IMPA1: variants seen among roughly 807,000 people sequenced by gnomAD.
The protein encoded by IMPA1 is inositol monophosphatase 1.
A neutral mutation model predicts 34.9 loss-of-function variants in IMPA1; 21 were observed. The ratio of observed to expected loss-of-function variants is 0.60; its 90% CI spans 0.43 to 0.87. IMPA1 has a LOEUF of 0.87. IMPA1 is among the 40% of genes least tolerant of loss of function. The probability of loss-of-function intolerance (pLI) is 0.00; values close to 1 mark genes in which losing one functional copy is unlikely to be tolerated. For missense variants in IMPA1, 299 were observed against 336.4 expected (o/e 0.89, Z 0.87); for synonymous variants, 95 against 104.4 (o/e 0.91, Z 0.55).
intron 4 of IMPA1, among the ~76,000 whole-genome samples, chr8:81,677,051 G>A (rs866815023): frequency 3.3e-5 from 5 of 151,158 alleles, no homozygotes; most frequent in African/African-American, 9.7e-5. Flanking sequence ...AAAGAAAACT[G>A]TAAAAACTTT....
chr8:81,685,977 G>A (rs1352752225), intron 1 of IMPA1: 1 of 1,470,872 alleles, frequency 6.8e-7, no homozygotes, highest in Non-Finnish European at 9.1e-7. Flanking sequence ...TTCGGAGTTG[G>A]GGACATAAAA....
intron 1 of IMPA1, among the ~76,000 whole-genome samples, chr8:81,681,948 G>A (rs1807312018): frequency 6.6e-6 from 1 of 151,982 alleles, no homozygotes. Flanking sequence ...AAGAACACTG[G>A]GAATACTGAA....
intron 1 of IMPA1, among the ~76,000 whole-genome samples, chr8:81,683,340 A>C (rs1008598515): frequency 6.6e-5 from 10 of 152,302 alleles, no homozygotes; most frequent in African/African-American, 2.4e-4. Context: ...GAGGGTCAGC[A>C]GATTTACATT....
At chr8:81,663,578 T>A (rs1007208982) in intron 7 of IMPA1, among the ~76,000 whole-genome samples, 1 of 152,228 alleles carries the variant, frequency 6.6e-6, no homozygotes, top group African/African-American at 2.4e-5. Context: ...TATTAGATGA[T>A]CTTTGATCAG....
chr8:81,682,543 A>G (rs1807330747), intron 1 of IMPA1, among the ~76,000 whole-genome samples: 1 of 152,184 alleles, frequency 6.6e-6, no homozygotes, highest in Non-Finnish European at 1.5e-5. Flanking sequence ...CTTCCTGATT[A>G]AAGCATTTTT....
intron 4 of IMPA1, 68 bp downstream of exon 4, chr8:81,679,054 CTAAA>C (rs1162124193): frequency 1.1e-5 from 10 of 926,902 alleles, no homozygotes; most frequent in Non-Finnish European, 1.6e-5. Context: ...GTACATGTTC[CTAAA>C]TAGAGTATCT....
At position 81,686,267 on chromosome 8, in the gene IMPA1, G is replaced by T. The variant is rs1163327207; in HGVS notation, c.-40C>A. The T allele has an allele frequency of 9.0e-6, 9 of 1,001,512 alleles. No individual in the cohort carries two copies. Among genetic ancestry groups the T allele is most frequent in the African/African-American group, 8.7e-5 (5 of 57,792 alleles). The allele number at this position is 1,001,512 out of a possible 1,614,324, so 62.0% of individuals were successfully genotyped here. On this transcript the variant is annotated 5_prime_UTR_variant, in exon 1 of 9. Coordinates refer to ENST00000256108, the MANE Select transcript of IMPA1 (RefSeq NM_005536.4). ...ACGGTCTCACCTTGAGTCGGAGGAC[G>T]TCCGGCTAGCTCTGTGAACGGTGTT... is the stretch of plus-strand genomic sequence containing the variant.
intron 6 of IMPA1, 133 bp from the exon 7 acceptor site, chr8:81,671,180 A>T: frequency 2.1e-6 from 1 of 480,346 alleles, no homozygotes; most frequent in Non-Finnish European, 3.6e-6. Flanking sequence ...ATAATAAAAT[A>T]CTGATAAATT....
intron 7 of IMPA1, 78 bp from the exon 8 acceptor site, chr8:81,660,745 A>G: frequency 8.3e-7 from 1 of 1,211,516 alleles, no homozygotes; most frequent in Non-Finnish European, 1.2e-6. Context: ...CTTCACTTTA[A>G]GTGTCGATTG....
At chr8:81,672,277 C>A (rs1309662624) in intron 6 of IMPA1, among the ~76,000 whole-genome samples, 1 of 152,068 alleles carries the variant, frequency 6.6e-6, no homozygotes, top group Non-Finnish European at 1.5e-5. Flanking sequence ...CTCAAAACCT[C>A]AATAAGCTGT....
chr8:81,685,839 A>T, intron 1 of IMPA1: 1 of 1,550,926 alleles, frequency 6.4e-7, no homozygotes, highest in Non-Finnish European at 8.7e-7. Context: ...CCAGCGTAGG[A>T]GCCAGGCCAC....
intron 6 of IMPA1, 71 bp downstream of exon 6, chr8:81,673,770 G>A (rs1563586033): frequency 4.7e-6 from 4 of 847,536 alleles, no homozygotes; most frequent in East Asian, 4.9e-5. Context: ...AATTCCATAG[G>A]TGAATATTAA....
intron 1 of IMPA1, among the ~76,000 whole-genome samples, chr8:81,683,554 C>T (rs1334179027): frequency 2.0e-5 from 3 of 152,006 alleles, no homozygotes; most frequent in African/African-American, 7.3e-5. Context: ...TATGGATAAC[C>T]GTCACAGTCT....
At chr8:81,677,392 G>A (rs1418442750) in intron 4 of IMPA1, among the ~76,000 whole-genome samples, 1 of 152,196 alleles carries the variant, frequency 6.6e-6, no homozygotes, top group Non-Finnish European at 1.5e-5. Context: ...ACCGCGCCTG[G>A]CCTGTGATGT....
At chr8:81,682,999 G>A (rs1208508255) in intron 1 of IMPA1, among the ~76,000 whole-genome samples, 2 of 152,178 alleles carry the variant, frequency 1.3e-5, no homozygotes, top group African/African-American at 2.4e-5. Flanking sequence ...ATAAGTTAAG[G>A]AGAAGAAGTG....
chr8:81,685,694 T>A, intron 1 of IMPA1: 1 of 655,572 alleles, frequency 1.5e-6, no homozygotes, highest in Non-Finnish European at 2.1e-6. Flanking sequence ...TTATATATAA[T>A]ATATGAATAG....
intron 7 of IMPA1, among the ~76,000 whole-genome samples, chr8:81,670,225 A>C (rs1806946891): frequency 6.6e-6 from 1 of 152,222 alleles, no homozygotes; most frequent in Admixed American, 6.5e-5. Flanking sequence ...CAAATTACAG[A>C]ATTTATGAAA....
intron 7 of IMPA1, among the ~76,000 whole-genome samples, chr8:81,666,723 AGCCGGGCATGGTG>A (rs1357307216): frequency 6.6e-6 from 1 of 151,962 alleles, no homozygotes; most frequent in Non-Finnish European, 1.5e-5. Flanking sequence ...AAAATACAAA[AGCCGGGCATGGTG>A]GTGCGTAGCT....
rs955987022 is a variant in IMPA1, at chr8:81,684,138, T to TACACAC, written c.-25+2108_-25+2113dup. ...ATACACACACACACACATACACACA[T>TACACAC]ACACACACACACACACATACACACA... On this transcript the variant is annotated intron_variant, in intron 1 of 8. Coordinates refer to ENST00000256108, the MANE Select transcript of IMPA1 (RefSeq NM_005536.4). 8.9e-3 allele frequency among the ~76,000 whole-genome samples: 1,019 copies of TACACAC among 113,994 alleles called. 14 individuals carry two copies. Among genetic ancestry groups the TACACAC allele is most frequent in the African/African-American group, 0.029 (942 of 32,856 alleles). The allele number at this position is 113,994 out of a possible 152,430, so 74.8% of individuals were successfully genotyped here.
Sources: gnomAD v4.1 joint callset for allele counts (sites outside exome capture counted in the v4.1 genomes callset) on GRCh38, gnomAD v4.1.1 for gene constraint, MANE v1.5 for transcripts, NCBI Gene and HGNC (gene_info 2026-07-23, HGNC 2026-07-21) for gene names.